Variants in DNAH9 observed in about 807,000 individuals in gnomAD.
DNAH9 encodes the protein dynein axonemal heavy chain 9, also known as DNAH9 variant protein.
A neutral mutation model predicts 471.6 loss-of-function variants in DNAH9; 345 were observed. The ratio of observed to expected loss-of-function variants is 0.73; its 90% CI spans 0.67 to 0.80. The LOEUF (loss-of-function observed/expected upper bound fraction) is 0.80, where lower values mean the gene tolerates loss of function less well. Ranked by LOEUF, DNAH9 falls within the 30% of genes least tolerant of loss-of-function variation. The pLI is 0.00. For missense variants in DNAH9, 5,407 were observed against 5,609.2 expected (o/e 0.96, Z 1.15); for synonymous variants, 2,093 against 2,123.6 (o/e 0.99, Z 0.40).
At position 11,894,572 on chromosome 17, in the gene DNAH9, C is replaced by T. The variant is rs963391797; in HGVS notation, c.11406+76C>T. ...CCTCTGACACTGGTCCCCATGAAGT[C>T]AGCAGGGCTCTCTGTTGGAGTTCAA... On this transcript the variant is annotated intron_variant, in intron 59 of 68. Coordinates refer to ENST00000262442, the MANE Select transcript of DNAH9 (RefSeq NM_001372.4). 1.9e-6 allele frequency: 3 copies of T among 1,565,058 alleles called. No individual in the cohort carries two copies. The African/African-American group carries it at 4.1e-5, about 21-fold the overall frequency.
rs557326011 is a variant in DNAH9, at chr17:11,745,638, G to T, written c.6399+554G>T. ...AAACAGCCAGTGAAAATAACAAAGA[G>T]AATATTCTTCAAGTTATAATTAGCG... On this transcript the variant is annotated intron_variant, in intron 31 of 68. Coordinates refer to ENST00000262442, the MANE Select transcript of DNAH9 (RefSeq NM_001372.4). Among the ~76,000 whole-genome samples, 85 of 152,212 alleles carry T rather than the reference G, an allele frequency of 5.6e-4. 1 individual carries two copies. The South Asian group carries it at 0.017, about 30-fold the overall frequency.
At chr17:11,762,770 G>GTTTTGTTTTTTTTTTT (rs1967747335) in intron 35 of DNAH9, among the ~76,000 whole-genome samples, 1 of 90,744 alleles carries the variant, frequency 1.1e-5, no homozygotes, top group Non-Finnish European at 2.2e-5. Context: ...TTTTTTTTTT[G>GTTTTGTTTTTTTTTTT]TTTTTTTTTT....
chr17:11,658,122 C>T (rs2073687888), intron 14 of DNAH9, among the ~76,000 whole-genome samples: 1 of 152,044 alleles, frequency 6.6e-6, no homozygotes, highest in Non-Finnish European at 1.5e-5. Context: ...AAATAAAGAC[C>T]TTAACAATAT....
chr17:11,817,451 G>A (rs1346477978), intron 45 of DNAH9, among the ~76,000 whole-genome samples: 1 of 152,140 alleles, frequency 6.6e-6, no homozygotes, highest in African/African-American at 2.4e-5. Flanking sequence ...GGGTCATCAA[G>A]TTTTTTCTAT....
chr17:11,756,916 C>G (rs1047078099), intron 34 of DNAH9, among the ~76,000 whole-genome samples: 1 of 152,174 alleles, frequency 6.6e-6, no homozygotes, highest in African/African-American at 2.4e-5. Context: ...CTAGCCTCCA[C>G]GTCAATGGAG....
intron 49 of DNAH9, 89 bp from the exon 50 acceptor site, chr17:11,853,914 C>G: frequency 7.7e-7 from 1 of 1,299,918 alleles, no homozygotes; most frequent in Admixed American, 2.1e-5. Flanking sequence ...CCCTTTCAAA[C>G]CGATCGCTCC....
chr17:11,805,744 G>A (rs1313868485), intron 43 of DNAH9, among the ~76,000 whole-genome samples: 1 of 151,678 alleles, frequency 6.6e-6, no homozygotes, highest in Non-Finnish European at 1.5e-5. Context: ...GTGGACACAG[G>A]GTTTCACCAT....
Position 11,644,662 on chromosome 17 carries a change from C to G in DNAH9, c.1933C>G (p.Gln645Glu). ...GGAATCTGCAGAAGGAAAGCGAATG[C>G]AACAAAAATATGAAGATATGCTGTC... ...CMESAEGKRM[Q>E]QKYEDMLSLL... Residue 645 changes from glutamine (Q) to glutamate (E), a missense_variant, in exon 11 of 69, where the codon CAA becomes GAA. Transcript: ENST00000262442. 6.2e-7 allele frequency: 1 copy of G among 1,612,670 alleles called. No homozygotes were observed. Among genetic ancestry groups the G allele is most frequent in the Non-Finnish European group, 8.5e-7 (1 of 1,179,284 alleles).
intron 50 of DNAH9, among the ~76,000 whole-genome samples, chr17:11,860,852 C>T (rs148004137): frequency 2.1e-4 from 32 of 152,144 alleles, no homozygotes; most frequent in Admixed American, 1.2e-3. Flanking sequence ...TGAGCCACTG[C>T]GCCCTGCCAG....
At chr17:11,914,541 A>G (rs1304032552) in intron 61 of DNAH9, among the ~76,000 whole-genome samples, 2 of 152,206 alleles carry the variant, frequency 1.3e-5, no homozygotes, top group Non-Finnish European at 2.9e-5. Context: ...ACTCATGAGA[A>G]GTAAAAATTT....
intron 60 of DNAH9, among the ~76,000 whole-genome samples, chr17:11,904,042 G>A (rs1191939557): frequency 6.6e-6 from 1 of 152,194 alleles, no homozygotes; most frequent in Admixed American, 6.5e-5. Flanking sequence ...AAAGGCTTGG[G>A]TCAAAGAGTG....
intron 55 of DNAH9, chr17:11,883,288 C>G: frequency 9.1e-7 from 1 of 1,101,438 alleles, no homozygotes. Context: ...TTAGTGAACA[C>G]TGATAATGCA....
At chr17:11,620,281 A>C (rs985604613) in intron 6 of DNAH9, among the ~76,000 whole-genome samples, 4 of 152,044 alleles carry the variant, frequency 2.6e-5, no homozygotes, top group Admixed American at 6.6e-5. Context: ...TGGGGAGGCC[A>C]AGGCAGGTGG....
Position 11,690,044 on chromosome 17 carries a change from C to T in DNAH9, c.4222C>T (p.Leu1408=), listed in dbSNP as rs149671142. 235 of 1,614,078 alleles carry T rather than the reference C, an allele frequency of 1.5e-4. No individual in the cohort carries two copies. Among genetic ancestry groups the T allele is most frequent in the Non-Finnish European group, 1.9e-4 (229 of 1,180,042 alleles). ...GGACCAGGACACCACCCTAGCGCAC[C>T]TGCTGCAGCTCCAGCTGCACCACTA... ...TMDQDTTLAH[L]LQLQLHHYED... Residue 1408 remains leucine, a synonymous_variant, in exon 20 of 69, where the codon CTG becomes TTG. Transcript: ENST00000262442.
At chr17:11,951,098 A>G (rs1975346183) in intron 67 of DNAH9, among the ~76,000 whole-genome samples, 1 of 152,174 alleles carries the variant, frequency 6.6e-6, no homozygotes, top group Admixed American at 6.5e-5. Context: ...ATACAACCCC[A>G]AACAATTTTG....
At chr17:11,909,014 A>G (rs1466635326) in intron 61 of DNAH9, among the ~76,000 whole-genome samples, 1 of 152,216 alleles carries the variant, frequency 6.6e-6, no homozygotes, top group Non-Finnish European at 1.5e-5. Context: ...GCCTTTTAAA[A>G]TGTAAGATGG....
rs571381294 is a variant in DNAH9 at position 11,742,314 on chromosome 17, G to A, written c.6111+1G>A. The A allele has an allele frequency of 3.7e-6, 6 of 1,614,056 alleles. No individual in the cohort carries two copies. In the African/African-American group the frequency reaches 6.7e-5, roughly 18 times the overall value. On this transcript the variant is annotated splice_donor_variant, in intron 30 of 68. Coordinates refer to ENST00000262442, the MANE Select transcript of DNAH9 (RefSeq NM_001372.4). LOFTEE classifies it high-confidence loss of function. ...GTGCAAAGAGCTTCTCTCCAAACAG[G>A]TAGGATCTCTAGGGAGGCTGTACAA...
At chr17:11,619,394 G>T (rs1049721083) in intron 5 of DNAH9, among the ~76,000 whole-genome samples, 154 bp from the exon 6 acceptor site, 1 of 152,126 alleles carries the variant, frequency 6.6e-6, no homozygotes, top group African/African-American at 2.4e-5. Context: ...AACCCAGGTC[G>T]CAGTCCACAT....
chr17:11,873,096 T>G (rs1354745081), intron 52 of DNAH9, among the ~76,000 whole-genome samples: 1 of 152,222 alleles, frequency 6.6e-6, no homozygotes, highest in Non-Finnish European at 1.5e-5. Flanking sequence ...ACCTGACAAT[T>G]AGCTGAACCG....
Sources: allele counts gnomAD v4.1 joint callset (sites outside exome capture counted in the v4.1 genomes callset), GRCh38; gene constraint gnomAD v4.1.1; transcripts MANE v1.5; gene names NCBI Gene and HGNC (gene_info 2026-07-23, HGNC 2026-07-21).